The following PTPRT variants were observed in gnomAD, a reference collection of about 807,000 sequenced individuals.
The protein encoded by PTPRT is receptor-type tyrosine-protein phosphatase T.
In PTPRT, 56 loss-of-function variants were observed where a neutral mutation model predicts 176.8. The ratio of observed to expected loss-of-function variants is 0.32; its 90% CI spans 0.26 to 0.40. The LOEUF is 0.40. Among genes scored for constraint, PTPRT ranks in the 10% least tolerant of loss-of-function variants. PTPRT has a pLI of 1.00. For missense variants in PTPRT, 1,540 were observed against 1,908.2 expected, an observed-to-expected ratio of 0.81 and a Z score of 3.60; for synonymous variants, 783 against 739.0, an observed-to-expected ratio of 1.06 and a Z score of -0.96.
intron 7 of PTPRT, among the ~76,000 whole-genome samples, chr20:42,473,741 A>T (rs988703403): frequency 3.3e-5 from 5 of 152,052 alleles, no homozygotes; most frequent in Admixed American, 2.0e-4. Flanking sequence ...TCCCAAAGTG[A>T]TGGGATTGCA....
intron 11 of PTPRT, among the ~76,000 whole-genome samples, chr20:42,331,743 C>A (rs2057967300): frequency 6.6e-6 from 1 of 152,108 alleles, no homozygotes; most frequent in Non-Finnish European, 1.5e-5. Context: ...CCATGATAGA[C>A]CTCTGAGTGT....
intron 9 of PTPRT, among the ~76,000 whole-genome samples, chr20:42,410,825 G>T (rs1276992556): frequency 6.6e-6 from 1 of 152,132 alleles, no homozygotes; most frequent in Non-Finnish European, 1.5e-5. Context: ...CTTAATCCAT[G>T]GATCAAAGAG....
rs373195463 is a variant in PTPRT at position 43,067,174 on chromosome 20, TATGGATGAGCCTTGAAA to T, written c.88+122455_88+122471del. 2.0e-3 allele frequency among the ~76,000 whole-genome samples: 303 copies of T among 152,344 alleles called. 2 individuals carry two copies. The highest frequency in any genetic ancestry group is 7.1e-3 in the African/African-American group (296 of 41,562). Reference sequence around the variant, plus strand: ...AAGGAAGTACCGACACATGCTACAGTATGGATGAGCCTTGAAAATTATGCTAAGTGAGAGAAGCCAGA... The same window carrying T: ...AAGGAAGTACCGACACATGCTACAGTATTATGCTAAGTGAGAGAAGCCAGA... On this transcript the variant is annotated intron_variant, in intron 1 of 30. Coordinates refer to ENST00000373187, the MANE Select transcript of PTPRT (RefSeq NM_007050.6).
chr20:42,139,290 A>G (rs1340804864), intron 18 of PTPRT, among the ~76,000 whole-genome samples: 1 of 152,110 alleles, frequency 6.6e-6, no homozygotes, highest in Non-Finnish European at 1.5e-5. Flanking sequence ...GGTTTATTTA[A>G]ACCCATCAAG....
intron 1 of PTPRT, among the ~76,000 whole-genome samples, chr20:42,980,048 C>CT (rs1047339702): frequency 1.3e-5 from 2 of 151,796 alleles, no homozygotes; most frequent in Admixed American, 6.6e-5. Context: ...AGGAATGAGG[C>CT]TTTTTTTATT....
intron 1 of PTPRT, among the ~76,000 whole-genome samples, chr20:43,115,471 A>G (rs2013025075): frequency 6.6e-6 from 1 of 152,116 alleles, no homozygotes. Flanking sequence ...ATGATACCCC[A>G]TCGATGATAC....
chr20:42,479,370 A>C (rs866863556), intron 7 of PTPRT, among the ~76,000 whole-genome samples: 3 of 152,176 alleles, frequency 2.0e-5, no homozygotes, highest in South Asian at 2.1e-4. Context: ...AGTTCTTTTC[A>C]AATTAAATTG....
intron 7 of PTPRT, among the ~76,000 whole-genome samples, chr20:42,572,852 T>C (rs1048329933): frequency 4.6e-5 from 7 of 151,514 alleles, no homozygotes; most frequent in African/African-American, 1.7e-4. Context: ...AGCTCACCCA[T>C]ACCTCTTCCA....
intron 1 of PTPRT, among the ~76,000 whole-genome samples, chr20:43,109,866 C>G (rs552232115): frequency 7.3e-4 from 111 of 152,096 alleles, no homozygotes; most frequent in African/African-American, 2.5e-3. Context: ...TTGGCATGCT[C>G]TAGGAATTTT....
chr20:42,418,760 T>C (rs534235609), intron 9 of PTPRT, among the ~76,000 whole-genome samples: 2 of 152,260 alleles, frequency 1.3e-5, no homozygotes, highest in East Asian at 1.9e-4. Context: ...GGTCATGTTA[T>C]GGGAAATCCC....
At chr20:42,088,718 G>C (rs1034036667) in intron 27 of PTPRT, among the ~76,000 whole-genome samples, 1 of 152,168 alleles carries the variant, frequency 6.6e-6, no homozygotes, top group Non-Finnish European at 1.5e-5. Flanking sequence ...CCACAGAGTT[G>C]GGTAGTTGTA....
chr20:43,153,012 C>T (rs1375201296), intron 1 of PTPRT, among the ~76,000 whole-genome samples: 3 of 152,032 alleles, frequency 2.0e-5, no homozygotes, highest in Admixed American at 1.3e-4. Context: ...CTGTTGTATG[C>T]TAGCCAAGAA....
rs546921550 is a variant in PTPRT, at chr20:42,184,205, C to A, written c.2491+15035G>T. On this transcript the variant is annotated intron_variant, in intron 16 of 30. Transcript: ENST00000373187. Reference sequence around the variant, plus strand: ...CTATCCCTGTTGTAACCTATCCAAACTCCTGGCCCAAAGAATTAGAAGCCA... The same window carrying A: ...CTATCCCTGTTGTAACCTATCCAAAATCCTGGCCCAAAGAATTAGAAGCCA... Among the ~76,000 whole-genome samples, 351 of 152,288 alleles carry A rather than the reference C, an allele frequency of 2.3e-3. 1 individual carries two copies. The highest frequency in any genetic ancestry group is 4.4e-3 in the South Asian group (21 of 4,822).
At position 42,939,606 on chromosome 20, in the gene PTPRT, A is replaced by G. The variant is rs1248066942; in HGVS notation, c.89-53674T>C. Among the ~76,000 whole-genome samples the G allele has an allele frequency of 2.6e-5, 4 of 152,018 alleles. No individual in the cohort carries two copies. In the East Asian group the frequency reaches 7.7e-4, roughly 29 times the overall value. On this transcript the variant is annotated intron_variant, in intron 1 of 30. Coordinates refer to ENST00000373187, the MANE Select transcript of PTPRT (RefSeq NM_007050.6). ...TTTTGTCTTTTTCATTCCTTCATCTACTATTTACTTGAAACTTACTAGTTT... is the reference window on the plus strand; with the variant it reads ...TTTTGTCTTTTTCATTCCTTCATCTGCTATTTACTTGAAACTTACTAGTTT...
intron 29 of PTPRT, 100 bp downstream of exon 29, chr20:42,084,582 C>A (rs1983681892): frequency 9.1e-6 from 10 of 1,104,640 alleles, no homozygotes; most frequent in African/African-American, 1.6e-5. Flanking sequence ...TGTGGTATAG[C>A]CAGGCCTGCC....
At chr20:42,577,837 C>CTGTGTGTGTGTGTG (rs11468271) in intron 7 of PTPRT, among the ~76,000 whole-genome samples, 114 of 139,428 alleles carry the variant, frequency 8.2e-4, no homozygotes, top group Admixed American at 1.9e-3. Flanking sequence ...CTGAGCAAGG[C>CTGTGTGTGTGTGTG]TGTGTGTGTG....
At chr20:42,632,636 TTATAC>T (rs1355153792) in intron 7 of PTPRT, among the ~76,000 whole-genome samples, 2 of 150,152 alleles carry the variant, frequency 1.3e-5, no homozygotes, top group African/African-American at 2.4e-5. Flanking sequence ...ATTTTATATA[TTATAC>T]TAAATTTATG....
At chr20:42,120,053 A>G (rs1987505961) in intron 19 of PTPRT, 82 bp from the exon 20 acceptor site, 1 of 1,313,780 alleles carries the variant, frequency 7.6e-7, no homozygotes, top group Non-Finnish European at 1.1e-6. Flanking sequence ...ATCCTCTCCA[A>G]GTCTTGATTT....
At chr20:43,058,301 G>A (rs1987321867) in intron 1 of PTPRT, among the ~76,000 whole-genome samples, 1 of 151,930 alleles carries the variant, frequency 6.6e-6, no homozygotes, top group African/African-American at 2.4e-5. Context: ...AGAGAGATCG[G>A]GTGAAAGAGG....
Sources: gnomAD v4.1 joint callset for allele counts (sites outside exome capture counted in the v4.1 genomes callset) on GRCh38, gnomAD v4.1.1 for gene constraint, MANE v1.5 for transcripts, NCBI Gene and HGNC (gene_info 2026-07-23, HGNC 2026-07-21) for gene names.